DGKB: variants seen among roughly 807,000 people sequenced by gnomAD.
The protein encoded by DGKB is diacylglycerol kinase beta, also known as 90 kDa diacylglycerol kinase.
A neutral mutation model predicts 114.3 loss-of-function variants in DGKB; 67 were observed. The ratio of observed to expected loss-of-function variants is 0.59; its 90% CI spans 0.48 to 0.72. The LOEUF (loss-of-function observed/expected upper bound fraction) is 0.72, where lower values mean the gene tolerates loss of function less well. DGKB is among the 30% of genes least tolerant of loss of function. DGKB has a pLI of 0.00. For missense variants in DGKB, 907 were observed against 975.2 expected (o/e 0.93, Z 0.93); for synonymous variants, 398 against 323.1 (o/e 1.23, Z -2.49).
chr7:14,715,144 AATCATTATAAATCAAG>A (rs1827988696), intron 6 of DGKB, among the ~76,000 whole-genome samples: 1 of 152,196 alleles, frequency 6.6e-6, no homozygotes, highest in Admixed American at 6.5e-5. Flanking sequence ...GTTTGCATTC[AATCATTATAAATCAAG>A]AGTCAAGGTT....
intron 23 of DGKB, among the ~76,000 whole-genome samples, chr7:14,311,208 G>T (rs1409451765): frequency 1.3e-5 from 2 of 152,092 alleles, no homozygotes; most frequent in Non-Finnish European, 2.9e-5. Context: ...ATAGAATGAA[G>T]GCATATGGGA....
chr7:14,625,580 T>G (rs1229172024), intron 14 of DGKB, among the ~76,000 whole-genome samples: 1 of 152,182 alleles, frequency 6.6e-6, no homozygotes, highest in Admixed American at 6.5e-5. Flanking sequence ...AATTGCTCTC[T>G]GATAATAGGG....
chr7:14,647,061 C>G (rs1005284644), intron 13 of DGKB, among the ~76,000 whole-genome samples: 3 of 151,464 alleles, frequency 2.0e-5, no homozygotes, highest in Admixed American at 2.0e-4. Context: ...TAAACTAAAA[C>G]GACAATTAGA....
intron 16 of DGKB, among the ~76,000 whole-genome samples, chr7:14,608,368 C>T (rs1048264490): frequency 6.6e-6 from 1 of 151,752 alleles, no homozygotes; most frequent in African/African-American, 2.4e-5. Flanking sequence ...GCAGAAAAAG[C>T]ATTTAATAAA....
intron 21 of DGKB, among the ~76,000 whole-genome samples, chr7:14,377,472 G>T (rs555479330): frequency 6.6e-6 from 1 of 152,296 alleles, no homozygotes; most frequent in South Asian, 2.1e-4. Flanking sequence ...ATGATTTAAA[G>T]TATGGACTTT....
chr7:14,569,257 A>G (rs1798028668), intron 20 of DGKB, among the ~76,000 whole-genome samples: 1 of 152,122 alleles, frequency 6.6e-6, no homozygotes, highest in Non-Finnish European at 1.5e-5. Flanking sequence ...CCTAATCCCC[A>G]TATTATGCTC....
intron 23 of DGKB, among the ~76,000 whole-genome samples, chr7:14,297,106 C>T (rs866930274): frequency 2.0e-5 from 3 of 152,116 alleles, no homozygotes; most frequent in Admixed American, 6.5e-5. Context: ...GACAGATTCA[C>T]AGCTGAATTC....
chr7:14,547,521 G>A (rs1171711891), intron 20 of DGKB, among the ~76,000 whole-genome samples: 1 of 151,984 alleles, frequency 6.6e-6, no homozygotes, highest in Admixed American at 6.6e-5. Flanking sequence ...GGGCTAATAT[G>A]GTTTTGTAAG....
chr7:14,655,994 A>G (rs1422458541), intron 13 of DGKB, among the ~76,000 whole-genome samples: 1 of 151,718 alleles, frequency 6.6e-6, no homozygotes, highest in Non-Finnish European at 1.5e-5. Context: ...ACAATAATTT[A>G]TTGTGTATGT....
chr7:14,771,723 T>C (rs1837438293), intron 2 of DGKB, among the ~76,000 whole-genome samples: 1 of 152,102 alleles, frequency 6.6e-6, no homozygotes, highest in Non-Finnish European at 1.5e-5. Context: ...TTCCCTGCCA[T>C]ACCTTGAAAA....
chr7:14,874,620 G>T (rs182399968), intron 1 of DGKB, among the ~76,000 whole-genome samples: 81 of 151,808 alleles, frequency 5.3e-4, no homozygotes, highest in African/African-American at 1.7e-3. Flanking sequence ...TATATAAATG[G>T]GGTAGTTAAT....
In DGKB at chr7:14,899,449, C is replaced by T. The variant is rs1393768957; in HGVS notation, c.-188+3143G>A. Among the ~76,000 whole-genome samples the T allele has an allele frequency of 2.0e-5, 3 of 152,210 alleles. 1 individual carries two copies. Among genetic ancestry groups the T allele is most frequent in the Non-Finnish European group, 4.4e-5 (3 of 68,008 alleles). On this transcript the variant is annotated intron_variant, in intron 1 of 25. Transcript: ENST00000402815. ...CTTTATCTGTGACTAAAGATCTCTA[C>T]CCTACACACACACCCCAAAGAGTTT... is the stretch of plus-strand genomic sequence containing the variant.
At chr7:14,617,082 A>G (rs996221359) in intron 15 of DGKB, among the ~76,000 whole-genome samples, 2 of 151,650 alleles carry the variant, frequency 1.3e-5, no homozygotes, top group African/African-American at 2.4e-5. Context: ...CAGTTCAATC[A>G]CTTCTCTCTA....
At chr7:14,332,438 T>C (rs984574083) in intron 23 of DGKB, among the ~76,000 whole-genome samples, 3 of 152,224 alleles carry the variant, frequency 2.0e-5, no homozygotes, top group Admixed American at 6.5e-5. Context: ...CATGGGGCTA[T>C]GCAAACACTA....
rs186572648 is a variant in DGKB, at chr7:14,159,187, C to T, written c.2305-9949G>A. On this transcript the variant is annotated intron_variant, in intron 25 of 25. Transcript: ENST00000402815. ...CTCCCACTGGACCGTATGCCTCACCCCACGCTGCCTCTCTTCTTTCATGTC... is the reference window on the plus strand; with the variant it reads ...CTCCCACTGGACCGTATGCCTCACCTCACGCTGCCTCTCTTCTTTCATGTC... 6.6e-5 allele frequency among the ~76,000 whole-genome samples: 10 copies of T among 152,236 alleles called. No homozygotes were observed. The East Asian group carries it at 1.9e-3, about 29-fold the overall frequency.
rs1486579808 is a variant in DGKB, at chr7:14,262,211, T to C, written c.2122+76304A>G. Among the ~76,000 whole-genome samples, 48 of 152,270 alleles carry C rather than the reference T, an allele frequency of 3.2e-4. 1 individual carries two copies. The highest frequency in any genetic ancestry group is 2.5e-3 in the Admixed American group (38 of 15,292). On this transcript the variant is annotated intron_variant, in intron 23 of 25. Transcript: ENST00000402815. ...CTTGGGTAGAAAGAGTTTAGCATAA[T>C]TGAGCCCACGTAGAATTTACGTTGT...
Position 14,640,518 on chromosome 7 carries a change from T to C in DGKB, c.1135-10250A>G, listed in dbSNP as rs372606681. On this transcript the variant is annotated intron_variant, in intron 13 of 25. Transcript: ENST00000402815. The stretch of plus-strand genomic sequence containing the variant: ...AATAAGTCAAAGCTCTTTAGAGTAT[T>C]AGCAACAGAATTTCAACTGATAGAT... Among the ~76,000 whole-genome samples, 15 of 152,280 alleles carry C rather than the reference T, an allele frequency of 9.9e-5. No homozygotes were observed. In the South Asian group the frequency reaches 3.1e-3, roughly 32 times the overall value.
At chr7:14,553,411 T>C (rs1274621372) in intron 20 of DGKB, among the ~76,000 whole-genome samples, 1 of 152,070 alleles carries the variant, frequency 6.6e-6, no homozygotes, top group South Asian at 2.1e-4. Flanking sequence ...CAGCACATAG[T>C]GATTAGTCAC....
At chr7:14,776,965 G>A (rs562818577) in intron 2 of DGKB, among the ~76,000 whole-genome samples, 3 of 152,318 alleles carry the variant, frequency 2.0e-5, no homozygotes, top group East Asian at 3.9e-4. Flanking sequence ...AAGCTACAGG[G>A]GTGGAGATTC....
Sources: gnomAD v4.1 joint callset for allele counts (sites outside exome capture counted in the v4.1 genomes callset) on GRCh38, gnomAD v4.1.1 for gene constraint, MANE v1.5 for transcripts, NCBI Gene and HGNC (gene_info 2026-07-23, HGNC 2026-07-21) for gene names.